SLC9A7: variants seen among roughly 807,000 people sequenced by gnomAD.
The protein encoded by SLC9A7 is sodium/hydrogen exchanger 7.
In SLC9A7, 19 loss-of-function variants were observed where a neutral mutation model predicts 52.6. That is an observed-to-expected ratio of 0.36 (90% confidence interval 0.25 to 0.53). The LOEUF is 0.53. SLC9A7 is among the 20% of genes least tolerant of loss of function. SLC9A7 has a pLI of 0.91. For missense variants in SLC9A7, 455 were observed against 597.9 expected (o/e 0.76, Z 2.49); for synonymous variants, 226 against 252.1 (o/e 0.90, Z 0.98).
chrX:46,755,218 C>T (rs73495128), intron 1 of SLC9A7, among the ~76,000 whole-genome samples: 5,756 of 111,647 alleles, frequency 0.052, 325 homozygotes, highest in African/African-American at 0.18. Context: ...TGCATCCAAG[C>T]AAGCACTTAT....
intron 1 of SLC9A7, among the ~76,000 whole-genome samples, chrX:46,748,256 G>A (rs4824591): frequency 0.15 from 16,111 of 107,721 alleles, 1,439 homozygotes; most frequent in East Asian, 0.55. Context: ...TGAGGCAGGA[G>A]AACTGCTTGA....
In SLC9A7 at chrX:46,679,629, T is replaced by C. The variant is rs184389334; in HGVS notation, c.603+49A>G. 2,671 of 979,381 alleles carry C rather than the reference T, an allele frequency of 2.7e-3. 36 individuals are homozygous for C. The South Asian group carries it at 0.042, about 15-fold the overall frequency. The allele number at this position is 979,381 out of a possible 1,213,427, so 80.7% of individuals were successfully genotyped here. ...TAACTAGAAAATTATGCAGGTAAATTAACACAGAGATTCACATGATTTCAG... is the reference window on the plus strand; with the variant it reads ...TAACTAGAAAATTATGCAGGTAAATCAACACAGAGATTCACATGATTTCAG... On this transcript the variant is annotated intron_variant, in intron 3 of 16. Transcript: ENST00000616978.
In SLC9A7 at chrX:46,691,313, A is replaced by G. The variant is rs141250289; in HGVS notation, c.326-8778T>C. Among the ~76,000 whole-genome samples, 99 of 112,310 alleles carry G rather than the reference A, an allele frequency of 8.8e-4. 3 individuals carry two copies. The East Asian group carries it at 0.026, about 29-fold the overall frequency. On this transcript the variant is annotated intron_variant, in intron 1 of 16. Transcript: ENST00000616978. Reference sequence around the variant, plus strand: ...TATAAGAAGCAAAAATTTACTGAAAATGTTTGCTTTTGTATATTGTAGCAA... The same window carrying G: ...TATAAGAAGCAAAAATTTACTGAAAGTGTTTGCTTTTGTATATTGTAGCAA...
At chrX:46,652,241 C>T (rs945850587) in intron 8 of SLC9A7, among the ~76,000 whole-genome samples, 1 of 111,449 alleles carries the variant, frequency 9.0e-6, no homozygotes, top group Non-Finnish European at 1.9e-5. Context: ...GCCTCTATCT[C>T]CAAGGCTCAA....
At chrX:46,632,656 C>T (rs1034450147) in intron 13 of SLC9A7, among the ~76,000 whole-genome samples, 1 of 111,716 alleles carries the variant, frequency 9.0e-6, no homozygotes, top group Non-Finnish European at 1.9e-5. Context: ...TCCACTGACC[C>T]GTTTCTCTCC....
chrX:46,636,321 C>T (rs930080939), intron 12 of SLC9A7, among the ~76,000 whole-genome samples: 11 of 111,028 alleles, frequency 9.9e-5, no homozygotes, highest in African/African-American at 2.3e-4. Context: ...AGCAGGGTTT[C>T]GTAAACTCGG....
intron 1 of SLC9A7, among the ~76,000 whole-genome samples, chrX:46,727,096 G>A (rs763844172): frequency 8.9e-6 from 1 of 111,918 alleles, no homozygotes; most frequent in African/African-American, 3.2e-5. Context: ...ACTCATGAAT[G>A]CCAATTCACT....
intron 11 of SLC9A7, chrX:46,647,263 CCACTGAAGCAGTTCTCCAGGTTCCAGG>C (rs1943509089): frequency 5.7e-6 from 1 of 175,774 alleles, no homozygotes; most frequent in East Asian, 1.4e-4. Flanking sequence ...GTCCTTCCAG[CCACTGAAGCAGTTCTCCAGGTTCCAGG>C]CACTTTCACC....
chrX:46,676,708 TAAC>T (rs1481932293), intron 3 of SLC9A7, among the ~76,000 whole-genome samples: 3 of 111,719 alleles, frequency 2.7e-5, no homozygotes, highest in Non-Finnish European at 5.6e-5. Context: ...ACGTAAAAAA[TAAC>T]GTTATTTATA....
intron 1 of SLC9A7, among the ~76,000 whole-genome samples, chrX:46,699,552 A>G (rs1177989421): frequency 1.8e-5 from 2 of 111,570 alleles, no homozygotes; most frequent in Non-Finnish European, 3.8e-5. Flanking sequence ...CTAGCTCAAT[A>G]GTCCCAGGAC....
At chrX:46,611,763 G>A in intron 16 of SLC9A7, among the ~76,000 whole-genome samples, 1 of 112,159 alleles carries the variant, frequency 8.9e-6, no homozygotes, top group Non-Finnish European at 1.9e-5. Context: ...GACACATGGT[G>A]ACTTGGCAGT....
At chrX:46,688,597 C>CA (rs763251903) in intron 1 of SLC9A7, among the ~76,000 whole-genome samples, 1,714 of 35,351 alleles carry the variant, frequency 0.048, 36 homozygotes, top group East Asian at 0.17. Context: ...AACTCCGCCT[C>CA]AAAAAAAAAA....
chrX:46,718,268 C>T (rs1944802748), intron 1 of SLC9A7, among the ~76,000 whole-genome samples: 1 of 111,741 alleles, frequency 8.9e-6, no homozygotes, highest in Non-Finnish European at 1.9e-5. Context: ...AACTGGATCC[C>T]TTCCTTACAC....
chrX:46,657,375 T>A lies in SLC9A7; in HGVS notation c.1042-3661A>T, dbSNP rs768994042. Among the ~76,000 whole-genome samples the A allele has an allele frequency of 3.7e-5, 4 of 108,607 alleles. No homozygotes were observed. In the East Asian group the frequency reaches 1.2e-3, roughly 31 times the overall value. 94.3% of individuals were successfully genotyped at this position (108,607 alleles called of 115,157 possible). On this transcript the variant is annotated intron_variant, in intron 7 of 16. Coordinates refer to ENST00000616978, the MANE Select transcript of SLC9A7 (RefSeq NM_001257291.2). ...AGGATCAAATTCACACATAACAATA[T>A]TAACTTTAAATGTAAATGGACTAAA...
intron 1 of SLC9A7, among the ~76,000 whole-genome samples, chrX:46,696,925 C>A (rs1944457254): frequency 8.9e-6 from 1 of 111,981 alleles, no homozygotes; most frequent in Non-Finnish European, 1.9e-5. Flanking sequence ...AACGAAGGAC[C>A]TGAGATTCAA....
chrX:46,649,343 G>A (rs1943545993), intron 10 of SLC9A7, among the ~76,000 whole-genome samples: 1 of 112,212 alleles, frequency 8.9e-6, no homozygotes, highest in South Asian at 3.6e-4. Context: ...GCAAATAAGA[G>A]GTGGGGAAAC....
intron 5 of SLC9A7, among the ~76,000 whole-genome samples, chrX:46,664,267 C>T (rs749788133): frequency 1.3e-4 from 15 of 111,664 alleles, no homozygotes; most frequent in African/African-American, 4.6e-4. Flanking sequence ...CAGACACCAA[C>T]GCAGTCATCT....
At chrX:46,715,083 C>T (rs992524375) in intron 1 of SLC9A7, among the ~76,000 whole-genome samples, 1 of 111,920 alleles carries the variant, frequency 8.9e-6, no homozygotes, top group Admixed American at 9.5e-5. Flanking sequence ...GACAAAATTC[C>T]TTTCCACTTG....
chrX:46,707,346 T>C (rs1165945431), intron 1 of SLC9A7, among the ~76,000 whole-genome samples: 2 of 112,238 alleles, frequency 1.8e-5, no homozygotes, highest in Non-Finnish European at 3.8e-5. Flanking sequence ...ATCTGACTAG[T>C]AAGTGGCACA....
Sources: allele counts gnomAD v4.1 joint callset (sites outside exome capture counted in the v4.1 genomes callset), GRCh38; gene constraint gnomAD v4.1.1; transcripts MANE v1.5; gene names NCBI Gene and HGNC (gene_info 2026-07-23, HGNC 2026-07-21).